SYNE3: variants seen among roughly 807,000 people sequenced by gnomAD.
SYNE3 encodes nesprin-3.
In SYNE3, 100 loss-of-function variants were observed where a neutral mutation model predicts 111.2. The ratio of observed to expected loss-of-function variants is 0.90; its 90% CI spans 0.77 to 1.06. The LOEUF (loss-of-function observed/expected upper bound fraction) is 1.06, where lower values mean the gene tolerates loss of function less well. Among genes scored for constraint, SYNE3 ranks in the 50% least tolerant of loss-of-function variants. The pLI is 0.00. For synonymous variants in SYNE3, 547 were observed against 533.9 expected (o/e 1.02, Z -0.34); for missense variants, 1,160 against 1,240.3 (o/e 0.94, Z 0.97).
chr14:95,455,702 C>A lies in SYNE3; in HGVS notation c.812G>T (p.Arg271Met). 6.2e-7 allele frequency: 1 copy of A among 1,614,114 alleles called. No homozygotes were observed. Among genetic ancestry groups the A allele is most frequent in the Non-Finnish European group, 8.5e-7 (1 of 1,180,030 alleles). The change falls in exon 6 of 18, where the codon AGG (arginine) becomes ATG (methionine). Residue 271 changes from arginine to methionine, a missense_variant. Arg to Met is a moderately conservative substitution (Grantham distance 91, BLOSUM62 -1). Transcript: ENST00000682763. ...TLQDIAKDFPRGEESLETLEE... is the reference protein window; with the variant it reads ...TLQDIAKDFPMGEESLETLEE... ...CAGCGTCTCCAGAGACTCCTCGCCC[C>A]TGGGAAAATCTTTGGCAATGTCCTG...
At chr14:95,516,451 G>A (rs1271802470) in intron 1 of SYNE3, among the ~76,000 whole-genome samples, 145 bp downstream of exon 1, 13 of 151,278 alleles carry the variant, frequency 8.6e-5, no homozygotes, top group Admixed American at 8.5e-4. Flanking sequence ...CGCCGGGCGC[G>A]CCTCCCCAGG....
intron 17 of SYNE3, chr14:95,429,861 G>T (rs1170305384): frequency 5.7e-6 from 5 of 878,520 alleles, no homozygotes; most frequent in Non-Finnish European, 6.8e-6. Flanking sequence ...ACATCAGCTG[G>T]ACATGTGCGC....
At position 95,452,243 on chromosome 14, in the gene SYNE3, A is replaced by T; in HGVS notation, c.1274+4T>A. The T allele has an allele frequency of 2.5e-6, 4 of 1,589,308 alleles. No individual in the cohort carries two copies. The highest frequency in any genetic ancestry group is 3.4e-6 in the Non-Finnish European group (4 of 1,161,918). On this transcript the variant is annotated splice_donor_region_variant and intron_variant, in intron 7 of 17. Transcript: ENST00000682763. ...GTCCCACCACCCTTGGCCTTCCCAG[A>T]TACCTCTGATACTCCTGGATGGTAG...
At chr14:95,487,206 T>C (rs1889593260) in intron 1 of SYNE3, among the ~76,000 whole-genome samples, 1 of 152,256 alleles carries the variant, frequency 6.6e-6, no homozygotes, top group Admixed American at 6.5e-5. Flanking sequence ...TCTCCTTTCT[T>C]TGGGTCCCCA....
chr14:95,475,724 G>A lies in SYNE3; in HGVS notation c.98C>T (p.Thr33Met), dbSNP rs3952862. ...CTCCAGGGCCGCGCGGGGTCCCTGC[G>A]TGTTGTCATTGACCTGCAGCTGGTC... ...VQDQLQVNDN[T>M]QGPRAALEAR... Residue 33 changes from threonine (T) to methionine (M), a missense_variant, in exon 2 of 18, where the codon ACG becomes ATG. Physicochemically the swap from Thr to Met is moderately conservative, Grantham distance 81 (BLOSUM62 -1). Coordinates refer to ENST00000682763, the MANE Select transcript of SYNE3 (RefSeq NM_152592.6). 1.9e-4 allele frequency: 309 copies of A among 1,605,496 alleles called. 2 individuals carry two copies. The African/African-American group carries it at 2.3e-3, about 12-fold the overall frequency.
At chr14:95,456,744 T>G (rs1566666167) in intron 5 of SYNE3, among the ~76,000 whole-genome samples, 1 of 152,110 alleles carries the variant, frequency 6.6e-6, no homozygotes, top group Non-Finnish European at 1.5e-5. Context: ...CTGTGGGCCA[T>G]GGGTTCTTAT....
At chr14:95,449,485 C>A in intron 8 of SYNE3, 2 of 985,460 alleles carry the variant, frequency 2.0e-6, no homozygotes, top group African/African-American at 1.7e-5. Flanking sequence ...GGCCATGAGG[C>A]GAGACCTGGC....
At chr14:95,418,595 C>T (rs1410817123) in intron 17 of SYNE3, among the ~76,000 whole-genome samples, 1 of 151,868 alleles carries the variant, frequency 6.6e-6, no homozygotes, top group East Asian at 1.9e-4. Context: ...CCCCCTCTTC[C>T]TTTTCTTTCT....
At chr14:95,490,289 T>G (rs1889785364) in intron 1 of SYNE3, among the ~76,000 whole-genome samples, 1 of 152,250 alleles carries the variant, frequency 6.6e-6, no homozygotes, top group Non-Finnish European at 1.5e-5. Context: ...AGCCATGGGC[T>G]ATAACCGATT....
intron 4 of SYNE3, among the ~76,000 whole-genome samples, chr14:95,459,970 G>A (rs953442459): frequency 9.9e-5 from 15 of 151,828 alleles, no homozygotes; most frequent in African/African-American, 3.1e-4. Context: ...TGTGAAGGGC[G>A]CTTGTAGTCC....
At chr14:95,462,853 TTTAATCTAAAAAA>T (rs1887923244) in intron 4 of SYNE3, among the ~76,000 whole-genome samples, 1 of 152,222 alleles carries the variant, frequency 6.6e-6, no homozygotes, top group South Asian at 2.1e-4. Flanking sequence ...CAGAATGTTT[TTTAATCTAAAAAA>T]TTAGTCCAAA....
In SYNE3 at chr14:95,505,033, C is replaced by G. The variant is rs562697237; in HGVS notation, c.-15+11563G>C. ...AGCTTAAGACCTGGGGGAAGGGACC[C>G]TATTCGATCTACGAAGTCCAGGCCT... On this transcript the variant is annotated intron_variant, in intron 1 of 17. Coordinates refer to ENST00000682763, the MANE Select transcript of SYNE3 (RefSeq NM_152592.6). Among the ~76,000 whole-genome samples the G allele has an allele frequency of 7.2e-5, 11 of 152,308 alleles. No homozygotes were observed. The East Asian group carries it at 2.1e-3, about 29-fold the overall frequency.
At chr14:95,434,089 G>T (rs1182304598) in intron 15 of SYNE3, among the ~76,000 whole-genome samples, 1 of 151,962 alleles carries the variant, frequency 6.6e-6, no homozygotes, top group Non-Finnish European at 1.5e-5. Context: ...GCGGTGGGGG[G>T]AATGAGAGGA....
At chr14:95,479,286 G>A (rs1889086849) in intron 1 of SYNE3, among the ~76,000 whole-genome samples, 1 of 150,288 alleles carries the variant, frequency 6.7e-6, no homozygotes, top group African/African-American at 2.4e-5. Context: ...GAGTCCGGAA[G>A]GTCCAGGCGG....
intron 16 of SYNE3, among the ~76,000 whole-genome samples, chr14:95,432,792 C>T (rs892314099): frequency 2.3e-4 from 35 of 152,184 alleles, no homozygotes; most frequent in African/African-American, 6.5e-4. Context: ...CACTCCAGTG[C>T]TTCCCCAGGT....
intron 1 of SYNE3, among the ~76,000 whole-genome samples, chr14:95,486,958 C>G (rs1889581706): frequency 1.3e-5 from 2 of 152,172 alleles, no homozygotes; most frequent in African/African-American, 2.4e-5. Flanking sequence ...TCCTAACTGG[C>G]CAGGGTGCTC....
At chr14:95,443,330 T>TCTCC in intron 10 of SYNE3, 41 bp from the exon 11 acceptor site, 1 of 1,611,544 alleles carries the variant, frequency 6.2e-7, no homozygotes, top group Non-Finnish European at 8.5e-7. Context: ...TCTTCCCACC[T>TCTCC]CTCCCTCCCT....
chr14:95,482,903 G>A (rs560348858), intron 1 of SYNE3, among the ~76,000 whole-genome samples: 1 of 152,314 alleles, frequency 6.6e-6, no homozygotes, highest in East Asian at 1.9e-4. Flanking sequence ...GGGATGCTAA[G>A]TAGCAGAGGC....
At chr14:95,482,514 C>T (rs1244583054) in intron 1 of SYNE3, among the ~76,000 whole-genome samples, 2 of 152,160 alleles carry the variant, frequency 1.3e-5, no homozygotes, top group African/African-American at 4.8e-5. Context: ...CTCCAAGAAT[C>T]CTGCTCAGGT....
Sources: allele counts gnomAD v4.1 joint callset (sites outside exome capture counted in the v4.1 genomes callset), GRCh38; gene constraint gnomAD v4.1.1; transcripts MANE v1.5; gene names NCBI Gene and HGNC (gene_info 2026-07-23, HGNC 2026-07-21).